USP12: variants seen among roughly 807,000 people sequenced by gnomAD.
USP12 encodes ubiquitin specific peptidase 12.
USP12 carries 19 observed loss-of-function variants against 45.5 expected under a neutral mutation model. The ratio of observed to expected loss-of-function variants is 0.42; its 90% CI spans 0.29 to 0.61. USP12 has a LOEUF of 0.61. USP12 is among the 20% of genes least tolerant of loss of function. The probability of loss-of-function intolerance (pLI) is 0.22; values close to 1 mark genes in which losing one functional copy is unlikely to be tolerated. For synonymous variants in USP12, 149 were observed against 148.8 expected, an observed-to-expected ratio of 1.00 and a Z score of -0.01; for missense variants, 242 against 447.7, an observed-to-expected ratio of 0.54 and a Z score of 4.15.
At chr13:27,081,201 T>C (rs193045819) in intron 6 of USP12, among the ~76,000 whole-genome samples, 225 of 152,292 alleles carry the variant, frequency 1.5e-3, no homozygotes, top group African/African-American at 5.1e-3. Flanking sequence ...TTTGACAGCA[T>C]TTTATCCACA....
intron 6 of USP12, among the ~76,000 whole-genome samples, chr13:27,079,621 G>A (rs763696924): frequency 6.6e-6 from 1 of 152,202 alleles, no homozygotes; most frequent in Admixed American, 6.5e-5. Flanking sequence ...CTGGAATCCA[G>A]TGGAATCTGA....
At chr13:27,070,220 T>A (rs984923480) in intron 8 of USP12, among the ~76,000 whole-genome samples, 1 of 152,154 alleles carries the variant, frequency 6.6e-6, no homozygotes, top group Non-Finnish European at 1.5e-5. Flanking sequence ...TCATGCTATG[T>A]GAGTCCATTT....
intron 2 of USP12, among the ~76,000 whole-genome samples, chr13:27,111,870 A>C (rs1411575382): frequency 6.6e-6 from 1 of 152,202 alleles, no homozygotes; most frequent in Non-Finnish European, 1.5e-5. Flanking sequence ...ATAGTCTGTG[A>C]TGTTCAGTTA....
At chr13:27,099,071 T>C (rs2137779478) in intron 3 of USP12, among the ~76,000 whole-genome samples, 1 of 152,278 alleles carries the variant, frequency 6.6e-6, no homozygotes, top group South Asian at 2.1e-4. Context: ...CCATCTCCAC[T>C]AAAAATAGTT....
At chr13:27,073,851 C>A (rs191028021) in intron 7 of USP12, among the ~76,000 whole-genome samples, 4 of 152,172 alleles carry the variant, frequency 2.6e-5, no homozygotes, top group Non-Finnish European at 4.4e-5. Flanking sequence ...CATAACGTTA[C>A]ACTGCCCACA....
intron 8 of USP12, 51 bp from the exon 9 acceptor site, chr13:27,069,435 G>A (rs748547317): frequency 4.3e-5 from 58 of 1,337,938 alleles, no homozygotes; most frequent in Non-Finnish European, 6.0e-5. Flanking sequence ...TGTACAGCCA[G>A]AATGGCTTAA....
intron 1 of USP12, among the ~76,000 whole-genome samples, chr13:27,145,573 T>C (rs1877272654): frequency 6.6e-6 from 1 of 152,224 alleles, no homozygotes; most frequent in Non-Finnish European, 1.5e-5. Context: ...TCTAAATTAC[T>C]ATGCTGAAGG....
At chr13:27,113,293 A>C (rs1875553795) in intron 2 of USP12, among the ~76,000 whole-genome samples, 1 of 152,068 alleles carries the variant, frequency 6.6e-6, no homozygotes, top group Admixed American at 6.5e-5. Context: ...AACAAACAAA[A>C]AACCCAGACA....
intron 3 of USP12, among the ~76,000 whole-genome samples, chr13:27,105,356 C>T: frequency 6.6e-6 from 1 of 151,998 alleles, no homozygotes; most frequent in Non-Finnish European, 1.5e-5. Flanking sequence ...CTGCAAGGAT[C>T]CAATGAGTTA....
At chr13:27,114,421 A>G (rs913880161) in intron 2 of USP12, among the ~76,000 whole-genome samples, 2 of 152,214 alleles carry the variant, frequency 1.3e-5, no homozygotes, top group Admixed American at 1.3e-4. Flanking sequence ...TGTAAGTGGG[A>G]TACTTTACAG....
At chr13:27,161,887 AT>A (rs1878123324) in intron 1 of USP12, among the ~76,000 whole-genome samples, 1 of 113,348 alleles carries the variant, frequency 8.8e-6, no homozygotes, top group Non-Finnish European at 1.9e-5. Context: ...GTCTCAAAAA[AT>A]AAAAAAAAAT....
intron 2 of USP12, among the ~76,000 whole-genome samples, chr13:27,110,576 T>C (rs899570477): frequency 3.3e-5 from 5 of 152,198 alleles, no homozygotes; most frequent in African/African-American, 1.2e-4. Flanking sequence ...ATATCTACAC[T>C]GCTAGTAGGA....
chr13:27,153,442 T>G (rs891321552), intron 1 of USP12, among the ~76,000 whole-genome samples: 1 of 152,236 alleles, frequency 6.6e-6, no homozygotes, highest in Non-Finnish European at 1.5e-5. Context: ...ATAGAAATAT[T>G]TTCTAGTTTC....
In USP12 at chr13:27,069,114, G is replaced by C; in HGVS notation, c.*169C>G. On this transcript the variant is annotated 3_prime_UTR_variant, in exon 9 of 9. Transcript: ENST00000282344. ...CCTGAGCAAATAAATCAACTACCAT[G>C]ATCGGAAGGGCTTGTCAATCCATCG... 3.1e-6 allele frequency: 2 copies of C among 641,296 alleles called. No individual in the cohort carries two copies. Among genetic ancestry groups the C allele is most frequent in the Non-Finnish European group, 5.5e-6 (2 of 362,336 alleles). The allele number at this position is 641,296 out of a possible 1,614,324, so 39.7% of individuals were successfully genotyped here.
rs1873436945 is a variant in USP12 at position 27,075,502 on chromosome 13, CCAG to C, written c.735-117_735-115del. 3.4e-6 allele frequency: 3 copies of C among 871,582 alleles called. No individual in the cohort carries two copies. In the East Asian group the frequency reaches 8.0e-5, roughly 23 times the overall value. 54.0% of individuals were successfully genotyped at this position (871,582 alleles called of 1,614,324 possible). ...ATAGACAATGGTCAGTTTTAATAGC[CCAG>C]CAATGCCCAGTTTTGCACATTTCTA... On this transcript the variant is annotated intron_variant, in intron 6 of 8. Transcript: ENST00000282344.
At chr13:27,074,934 G>A (rs1177975524) in intron 7 of USP12, among the ~76,000 whole-genome samples, 1 of 151,904 alleles carries the variant, frequency 6.6e-6, no homozygotes, top group Non-Finnish European at 1.5e-5. Flanking sequence ...AAAACTAACA[G>A]ATCTCAAAGT....
At chr13:27,095,071 C>G (rs984575347) in intron 4 of USP12, among the ~76,000 whole-genome samples, 1 of 152,130 alleles carries the variant, frequency 6.6e-6, no homozygotes, top group African/African-American at 2.4e-5. Context: ...GGAAGGATTG[C>G]TTGAGCCCAG....
rs186486841 is a variant in USP12 at position 27,110,871 on chromosome 13, G to A, written c.130-4927C>T. ...CTCCATATTTTGGAATAGGCAACAG[G>A]GGAATTGAACAACTTCCACCGAGCA... On this transcript the variant is annotated intron_variant, in intron 2 of 8. Transcript: ENST00000282344. Among the ~76,000 whole-genome samples the A allele has an allele frequency of 1.2e-4, 19 of 152,166 alleles. 1 individual carries two copies. The East Asian group carries it at 3.7e-3, about 29-fold the overall frequency.
intron 3 of USP12, among the ~76,000 whole-genome samples, chr13:27,103,323 T>C (rs937843470): frequency 2.0e-5 from 3 of 152,084 alleles, no homozygotes; most frequent in Non-Finnish European, 4.4e-5. Flanking sequence ...CTCTACACAA[T>C]TCTCAAGGGA....
Sources: allele counts gnomAD v4.1 joint callset (sites outside exome capture counted in the v4.1 genomes callset), GRCh38; gene constraint gnomAD v4.1.1; transcripts MANE v1.5; gene names NCBI Gene and HGNC (gene_info 2026-07-23, HGNC 2026-07-21).